ASAP1: variants seen among roughly 807,000 people sequenced by gnomAD.
ASAP1 encodes arf-GAP with SH3 domain, ANK repeat and PH domain-containing protein 1.
A neutral mutation model predicts 145.2 loss-of-function variants in ASAP1; 43 were observed. The observed-to-expected ratio is 0.30, with a 90% CI of 0.23 to 0.38. The LOEUF (loss-of-function observed/expected upper bound fraction) is 0.38, where lower values mean the gene tolerates loss of function less well. ASAP1 is among the 10% of genes least tolerant of loss of function. ASAP1 has a pLI of 1.00. For synonymous variants in ASAP1, 546 were observed against 515.5 expected (o/e 1.06, Z -0.80); for missense variants, 1,018 against 1,355.3 (o/e 0.75, Z 3.91).
chr8:130,275,296 GT>G (rs1690708964), intron 3 of ASAP1, among the ~76,000 whole-genome samples: 1 of 152,238 alleles, frequency 6.6e-6, no homozygotes, highest in Non-Finnish European at 1.5e-5. Context: ...AAAGAAGCCT[GT>G]AATTGGGCTT....
At chr8:130,088,944 A>T (rs2135400810) in intron 25 of ASAP1, among the ~76,000 whole-genome samples, 1 of 152,336 alleles carries the variant, frequency 6.6e-6, no homozygotes, top group Middle Eastern at 3.4e-3. Flanking sequence ...TGAAAATCAC[A>T]AGGCTATTGA....
At chr8:130,394,228 G>C in intron 2 of ASAP1, among the ~76,000 whole-genome samples, 1 of 152,158 alleles carries the variant, frequency 6.6e-6, no homozygotes, top group Non-Finnish European at 1.5e-5. Context: ...AAAGCAAATG[G>C]GAGAAATATC....
chr8:130,325,932 A>G (rs1824298238), intron 3 of ASAP1, among the ~76,000 whole-genome samples: 1 of 152,232 alleles, frequency 6.6e-6, no homozygotes, highest in Admixed American at 6.5e-5. Context: ...TGCACCTTAC[A>G]TGAAATTTTC....
At chr8:130,377,919 T>C (rs900694948) in intron 2 of ASAP1, among the ~76,000 whole-genome samples, 4 of 152,212 alleles carry the variant, frequency 2.6e-5, no homozygotes, top group Admixed American at 6.5e-5. Flanking sequence ...TTCTCTCTTA[T>C]TAAACTCTCT....
At chr8:130,173,300 A>G (rs1321099116) in intron 9 of ASAP1, among the ~76,000 whole-genome samples, 4 of 152,226 alleles carry the variant, frequency 2.6e-5, no homozygotes, top group African/African-American at 4.8e-5. Flanking sequence ...ACATGCTGTC[A>G]TCTGCACTGT....
intron 5 of ASAP1, among the ~76,000 whole-genome samples, chr8:130,209,680 G>A (rs941017826): frequency 5.9e-5 from 9 of 152,136 alleles, no homozygotes; most frequent in Admixed American, 3.9e-4. Context: ...TAGGAAGTAT[G>A]CATAAAGCCC....
At chr8:130,087,464 G>A (rs953845462) in intron 25 of ASAP1, among the ~76,000 whole-genome samples, 4 of 152,146 alleles carry the variant, frequency 2.6e-5, no homozygotes, top group Non-Finnish European at 5.9e-5. Flanking sequence ...AGGTTACAGT[G>A]AGCTGGGACT....
At chr8:130,171,066 C>G (rs940943593) in intron 9 of ASAP1, among the ~76,000 whole-genome samples, 8 of 152,180 alleles carry the variant, frequency 5.3e-5, no homozygotes, top group Non-Finnish European at 1.0e-4. Flanking sequence ...TATAGCGATG[C>G]AAGTAAAACT....
intron 2 of ASAP1, among the ~76,000 whole-genome samples, chr8:130,382,292 A>G (rs1035322374): frequency 6.6e-6 from 1 of 150,874 alleles, no homozygotes. Flanking sequence ...TCTCAAAAAA[A>G]AAAAAAAAAA....
intron 24 of ASAP1, among the ~76,000 whole-genome samples, chr8:130,103,596 C>T (rs376501112): frequency 1.2e-3 from 181 of 152,194 alleles, no homozygotes; most frequent in South Asian, 5.0e-3. Flanking sequence ...CTCTGCCTCC[C>T]GGGTTCAAGT....
chr8:130,087,658 T>A (rs2097496557), intron 25 of ASAP1, among the ~76,000 whole-genome samples: 1 of 151,448 alleles, frequency 6.6e-6, no homozygotes, highest in African/African-American at 2.4e-5. Flanking sequence ...TACAACAGAG[T>A]GGTGGTGTGA....
chr8:130,256,423 G>T (rs892276266), intron 3 of ASAP1, among the ~76,000 whole-genome samples: 1 of 150,846 alleles, frequency 6.6e-6, no homozygotes, highest in Admixed American at 6.6e-5. Context: ...GGCGGTGGGG[G>T]AACTTCCATC....
At chr8:130,428,861 C>T (rs943481692) in intron 1 of ASAP1, among the ~76,000 whole-genome samples, 20 of 152,112 alleles carry the variant, frequency 1.3e-4, no homozygotes, top group Non-Finnish European at 2.1e-4. Context: ...TTAAAAAGTA[C>T]CAAAATTGGA....
At chr8:130,201,285 G>C (rs1379083838) in intron 5 of ASAP1, among the ~76,000 whole-genome samples, 1 of 152,294 alleles carries the variant, frequency 6.6e-6, no homozygotes, top group East Asian at 1.9e-4. Flanking sequence ...CAGAGGTACT[G>C]CTCTGGAAGA....
At chr8:130,250,876 GTAAAA>G (rs1819153923) in intron 3 of ASAP1, among the ~76,000 whole-genome samples, 1 of 152,094 alleles carries the variant, frequency 6.6e-6, no homozygotes, top group African/African-American at 2.4e-5. Context: ...TTTACCATTT[GTAAAA>G]TGGTAAATTT....
intron 3 of ASAP1, among the ~76,000 whole-genome samples, chr8:130,313,728 G>T (rs1823497135): frequency 6.6e-6 from 1 of 152,168 alleles, no homozygotes; most frequent in Admixed American, 6.5e-5. Flanking sequence ...AAAATCTTAT[G>T]AATTTTTATC....
chr8:130,413,663 A>G (rs1279589555), intron 1 of ASAP1, among the ~76,000 whole-genome samples: 1 of 152,168 alleles, frequency 6.6e-6, no homozygotes, highest in African/African-American at 2.4e-5. Context: ...CCAAAAATCC[A>G]TCAAAGCATA....
At chr8:130,268,427 G>T (rs565601048) in intron 3 of ASAP1, among the ~76,000 whole-genome samples, 1 of 150,510 alleles carries the variant, frequency 6.6e-6, no homozygotes, top group Non-Finnish European at 1.5e-5. Context: ...GCAGAAGTTT[G>T]TAGTGAGCTG....
chr8:130,242,076 G>A (rs1204585298), intron 3 of ASAP1, among the ~76,000 whole-genome samples: 1 of 151,848 alleles, frequency 6.6e-6, no homozygotes, highest in East Asian at 1.9e-4. Context: ...ATCTAGGAGT[G>A]CTCTGAGCAT....
Sources: gnomAD v4.1 joint callset for allele counts (sites outside exome capture counted in the v4.1 genomes callset) on GRCh38, gnomAD v4.1.1 for gene constraint, MANE v1.5 for transcripts, NCBI Gene and HGNC (gene_info 2026-07-23, HGNC 2026-07-21) for gene names.